Variants in RALGPS2 observed in about 807,000 individuals in gnomAD.
The protein encoded by RALGPS2 is Ral GEF with PH domain and SH3 binding motif 2.
Under a neutral mutation model 86.8 loss-of-function variants are expected in RALGPS2, and 43 were observed. That is an observed-to-expected ratio of 0.50 (90% CI 0.39 to 0.64). RALGPS2 has a LOEUF of 0.64. RALGPS2 is among the 30% of genes least tolerant of loss of function. The probability of loss-of-function intolerance (pLI) is 0.00; values close to 1 mark genes in which losing one functional copy is unlikely to be tolerated. For synonymous variants in RALGPS2, 243 were observed against 231.3 expected, an observed-to-expected ratio of 1.05 and a Z score of -0.46; for missense variants, 536 against 694.6, an observed-to-expected ratio of 0.77 and a Z score of 2.57.
In RALGPS2 at chr1:178,742,663, T is replaced by C. The variant is rs528591249; in HGVS notation, c.-84+17244T>C. On this transcript the variant is annotated intron_variant, in intron 1 of 19. Coordinates refer to ENST00000367635, the MANE Select transcript of RALGPS2 (RefSeq NM_152663.5). ...CAATAACATATTATTCTCAGTTTACTCAAATGTCTACAGAACATTTTTCAT... is the reference window on the plus strand; with the variant it reads ...CAATAACATATTATTCTCAGTTTACCCAAATGTCTACAGAACATTTTTCAT... 2.0e-5 allele frequency among the ~76,000 whole-genome samples: 3 copies of C among 152,336 alleles called. No homozygotes were observed. The South Asian group carries it at 6.2e-4, about 32-fold the overall frequency.
chr1:178,850,418 A>G (rs10913632), intron 8 of RALGPS2: 13,558 of 152,354 alleles, frequency 0.089, 659 homozygotes, highest in African/African-American at 0.13. Context: ...GGTGTTCAGC[A>G]TATCATATGA....
intron 6 of RALGPS2, among the ~76,000 whole-genome samples, chr1:178,811,792 T>A (rs543738783): frequency 2.6e-5 from 4 of 152,334 alleles, no homozygotes; most frequent in African/African-American, 9.6e-5. Flanking sequence ...ATGTGAAGAA[T>A]AAGACTTTAT....
In RALGPS2 at chr1:178,777,651, G is replaced by A. The variant is rs1007749020; in HGVS notation, c.57+830G>A. On this transcript the variant is annotated intron_variant, in intron 2 of 19. Coordinates refer to ENST00000367635, the MANE Select transcript of RALGPS2 (RefSeq NM_152663.5). The stretch of plus-strand genomic sequence containing the variant: ...TACCTGACTTCAAACTATACTACAA[G>A]GCTACAGTAACCAAAACAGCATGGT... Among the ~76,000 whole-genome samples, 318 of 150,734 alleles carry A rather than the reference G, an allele frequency of 2.1e-3. 1 individual carries two copies. The highest frequency in any genetic ancestry group is 5.5e-3 in the Admixed American group (83 of 15,166).
At chr1:178,827,495 C>T (rs376467710) in intron 7 of RALGPS2, among the ~76,000 whole-genome samples, 3,646 of 149,482 alleles carry the variant, frequency 0.024, 146 homozygotes, top group African/African-American at 0.085. Context: ...CCCGGGTTCA[C>T]GCCATTCTCC....
chr1:178,779,222 G>T (rs1357994229), intron 2 of RALGPS2, among the ~76,000 whole-genome samples: 1 of 152,136 alleles, frequency 6.6e-6, no homozygotes, highest in Non-Finnish European at 1.5e-5. Flanking sequence ...GACTGAACTA[G>T]ATGCTCACCC....
Position 178,897,648 on chromosome 1 carries a change from T to C in RALGPS2, c.1432-16T>C, listed in dbSNP as rs368193139. 4.9e-5 allele frequency: 77 copies of C among 1,586,294 alleles called. No homozygotes were observed. Among genetic ancestry groups the C allele is most frequent in the Non-Finnish European group, 6.1e-5 (71 of 1,155,406 alleles). ...GGAGCATTGTAATAGTATATTCCTGTGTTTGTCCTATCCAGGTAGCATCTT... is the reference window on the plus strand; with the variant it reads ...GGAGCATTGTAATAGTATATTCCTGCGTTTGTCCTATCCAGGTAGCATCTT... On this transcript the variant is annotated splice_polypyrimidine_tract_variant and intron_variant, in intron 16 of 19. Transcript: ENST00000367635.
intron 8 of RALGPS2, among the ~76,000 whole-genome samples, chr1:178,872,979 G>A (rs1229202247): frequency 6.6e-6 from 1 of 152,140 alleles, no homozygotes; most frequent in Non-Finnish European, 1.5e-5. Context: ...GACAGACCAT[G>A]ATACCAATTT....
chr1:178,771,857 G>A (rs1005989946), intron 1 of RALGPS2, among the ~76,000 whole-genome samples: 2 of 151,978 alleles, frequency 1.3e-5, no homozygotes, highest in Non-Finnish European at 2.9e-5. Flanking sequence ...TTTTTCATGT[G>A]TCATTAAGTA....
chr1:178,877,351 ACC>A, intron 8 of RALGPS2, 145 bp from the exon 9 acceptor site: 3 of 1,250,844 alleles, frequency 2.4e-6, no homozygotes, highest in Non-Finnish European at 3.2e-6. Context: ...ACCATATGTT[ACC>A]CAGGCTTCAG....
chr1:178,805,698 A>G (rs942855089), intron 4 of RALGPS2, among the ~76,000 whole-genome samples: 4 of 152,152 alleles, frequency 2.6e-5, no homozygotes, highest in Non-Finnish European at 5.9e-5. Context: ...ACTCTTTACT[A>G]TAGAAGATGA....
chr1:178,840,452 A>G (rs1034445686), intron 8 of RALGPS2, among the ~76,000 whole-genome samples: 10 of 152,234 alleles, frequency 6.6e-5, no homozygotes, highest in African/African-American at 1.9e-4. Flanking sequence ...TTTGAAACCA[A>G]TGAGAACAAA....
intron 17 of RALGPS2, among the ~76,000 whole-genome samples, chr1:178,901,466 GTTC>G (rs112734244): frequency 2.4e-4 from 36 of 152,130 alleles, no homozygotes; most frequent in Non-Finnish European, 3.7e-4. Context: ...AAGCCAACCT[GTTC>G]TTCTTTTATA....
At chr1:178,739,168 GGACA>G (rs1209160693) in intron 1 of RALGPS2, among the ~76,000 whole-genome samples, 50 of 152,040 alleles carry the variant, frequency 3.3e-4, no homozygotes, top group African/African-American at 1.2e-3. Flanking sequence ...AAAGCTAGAG[GGACA>G]GGAATAAGTC....
chr1:178,885,271 C>G, intron 12 of RALGPS2, 60 bp downstream of exon 12: 1 of 1,501,822 alleles, frequency 6.7e-7, no homozygotes, highest in Non-Finnish European at 9.1e-7. Flanking sequence ...GATTTATTGT[C>G]GATTTATTAG....
chr1:178,738,052 T>G (rs912744735), intron 1 of RALGPS2, among the ~76,000 whole-genome samples: 1 of 152,096 alleles, frequency 6.6e-6, no homozygotes, highest in Non-Finnish European at 1.5e-5. Flanking sequence ...AGTGCTGGGA[T>G]TACAGCATGA....
intron 1 of RALGPS2, chr1:178,747,719 C>T: frequency 7.6e-7 from 1 of 1,315,844 alleles, no homozygotes; most frequent in South Asian, 1.2e-5. Context: ...GCTGAGCATC[C>T]AACTCCTTGA....
At position 178,894,736 on chromosome 1, in the gene RALGPS2, G is replaced by C. The variant is rs565946757; in HGVS notation, c.1431+712G>C. ...AAGAGGGAAAATATTGTACACATTTGTTTCACCATGTTTTCTTAACATAAA... is the reference window on the plus strand; with the variant it reads ...AAGAGGGAAAATATTGTACACATTTCTTTCACCATGTTTTCTTAACATAAA... On this transcript the variant is annotated intron_variant, in intron 16 of 19. Coordinates refer to ENST00000367635, the MANE Select transcript of RALGPS2 (RefSeq NM_152663.5). Among the ~76,000 whole-genome samples the C allele has an allele frequency of 2.6e-5, 4 of 152,060 alleles. No homozygotes were observed. In the South Asian group the frequency reaches 8.3e-4, roughly 32 times the overall value.
chr1:178,788,574 T>C (rs1221305883), intron 4 of RALGPS2, among the ~76,000 whole-genome samples: 1 of 152,042 alleles, frequency 6.6e-6, no homozygotes, highest in Non-Finnish European at 1.5e-5. Flanking sequence ...ATATGAGTGT[T>C]TGGGGAAATA....
At chr1:178,814,947 TAGG>T (rs1655157261) in intron 6 of RALGPS2, among the ~76,000 whole-genome samples, 1 of 152,260 alleles carries the variant, frequency 6.6e-6, no homozygotes, top group African/African-American at 2.4e-5. Context: ...TTGAATCTGA[TAGG>T]AGTGAACATC....
Sources: allele counts gnomAD v4.1 joint callset (sites outside exome capture counted in the v4.1 genomes callset), GRCh38; gene constraint gnomAD v4.1.1; transcripts MANE v1.5; gene names NCBI Gene and HGNC (gene_info 2026-07-23, HGNC 2026-07-21).